The following TNFRSF1B variants were observed in gnomAD, a reference collection of about 807,000 sequenced individuals.
The protein encoded by TNFRSF1B is TNF receptor superfamily member 1B, also known as tumor necrosis factor receptor superfamily member 1B.
In TNFRSF1B, 19 loss-of-function variants were observed where a neutral mutation model predicts 44.6. The ratio of observed to expected loss-of-function variants is 0.43; its 90% confidence interval spans 0.30 to 0.62. The LOEUF is 0.62. Ranked by LOEUF, TNFRSF1B falls within the 20% of genes least tolerant of loss-of-function variation. The pLI is 0.16. For missense variants in TNFRSF1B, 541 were observed against 619.9 expected, an observed-to-expected ratio of 0.87 and a Z score of 1.35; for synonymous variants, 252 against 261.1, an observed-to-expected ratio of 0.97 and a Z score of 0.34.
rs1176292774 is a variant in TNFRSF1B, at chr1:12,208,963, CA to C, written c.*1944del. 2 of 152,302 alleles carry C rather than the reference CA, an allele frequency of 1.3e-5. No homozygotes were observed. The highest frequency in any genetic ancestry group is 2.9e-5 in the Non-Finnish European group (2 of 68,178). The allele number at this position is 152,302 out of a possible 1,614,324, so 9.4% of individuals were successfully genotyped here. ...CCTGTCTCTTAAAGAAAAAAAAAGT[CA>C]GACTGCTGGGACTGGCCAGGTTTCT... On this transcript the variant is annotated 3_prime_UTR_variant, in exon 10 of 10. Transcript: ENST00000376259.
In TNFRSF1B at chr1:12,207,788, T is replaced by TC. The variant is rs1639543598; in HGVS notation, c.*768_*769insC. 6.6e-6 allele frequency: 1 copy of TC among 152,224 alleles called. No homozygotes were observed. The highest frequency in any genetic ancestry group is 2.4e-5 in the African/African-American group (1 of 41,402). The allele number at this position is 152,224 out of a possible 1,614,324, so 9.4% of individuals were successfully genotyped here. A position where few individuals can be genotyped will look rare whatever the true frequency, so the allele number is the denominator to read the frequency against. ...AGCCGGGCGTGGTGGCGGGCACCTA[T>TC]AGTCCCAGCTACTCAGAAGCCTGAG... On this transcript the variant is annotated 3_prime_UTR_variant, in exon 10 of 10. Transcript: ENST00000376259.
chr1:12,181,432 A>G (rs1050025964), intron 1 of TNFRSF1B, among the ~76,000 whole-genome samples: 9 of 152,144 alleles, frequency 5.9e-5, no homozygotes, highest in African/African-American at 2.2e-4. Context: ...GCTCCTCACA[A>G]GAACCCCTGG....
intron 8 of TNFRSF1B, among the ~76,000 whole-genome samples, chr1:12,195,572 GC>G (rs1336265737): frequency 6.6e-6 from 1 of 152,194 alleles, no homozygotes; most frequent in African/African-American, 2.4e-5. Flanking sequence ...TAAATCGGAT[GC>G]CTTCCCAGAA....
At chr1:12,181,831 C>T (rs986352614) in intron 1 of TNFRSF1B, among the ~76,000 whole-genome samples, 3 of 152,234 alleles carry the variant, frequency 2.0e-5, no homozygotes, top group Non-Finnish European at 2.9e-5. Flanking sequence ...CCTCCCAGCT[C>T]GTGCTGTTTC....
At chr1:12,202,248 C>G (rs1639410357) in intron 9 of TNFRSF1B, 77 bp downstream of exon 9, 1 of 1,506,696 alleles carries the variant, frequency 6.6e-7, no homozygotes. Flanking sequence ...TTAGCCATCT[C>G]CTCCTGAGCC....
rs1470591648 is a variant in TNFRSF1B at position 12,191,928 on chromosome 1, G to A, written c.457+5G>A. 1.9e-6 allele frequency: 3 copies of A among 1,607,342 alleles called. No homozygotes were observed. The highest frequency in any genetic ancestry group is 1.3e-5 in the African/African-American group (1 of 74,894). ...GCTTCGGCGTGGCCAGACCAGGTACGGGGTGGGGCTCAGGTCCTTGGGGAC... is the reference window on the plus strand; with the variant it reads ...GCTTCGGCGTGGCCAGACCAGGTACAGGGTGGGGCTCAGGTCCTTGGGGAC... On this transcript the variant is annotated splice_donor_5th_base_variant and intron_variant, in intron 4 of 9. Coordinates refer to ENST00000376259, the MANE Select transcript of TNFRSF1B (RefSeq NM_001066.3).
Position 12,174,267 on chromosome 1 carries a change from T to A in TNFRSF1B, c.78+7098T>A, listed in dbSNP as rs567446886. Among the ~76,000 whole-genome samples, 1,096 of 144,804 alleles carry A rather than the reference T, an allele frequency of 7.6e-3. 22 individuals carry two copies. Among genetic ancestry groups the A allele is most frequent in the African/African-American group, 0.026 (1,026 of 38,718 alleles). 95.0% of individuals were successfully genotyped at this position (144,804 alleles called of 152,430 possible). A position where few individuals can be genotyped will look rare whatever the true frequency, so the allele number is the denominator to read the frequency against. On this transcript the variant is annotated intron_variant, in intron 1 of 9. Coordinates refer to ENST00000376259, the MANE Select transcript of TNFRSF1B (RefSeq NM_001066.3). ...CTCCTTCTCCTTCTCCTTCTTCTTC[T>A]GATGGAGTCTGACTCCGTTGCCCAG...
chr1:12,206,006 T>A (rs1170574378), intron 9 of TNFRSF1B, among the ~76,000 whole-genome samples: 1 of 151,986 alleles, frequency 6.6e-6, no homozygotes, highest in Non-Finnish European at 1.5e-5. Flanking sequence ...GGTCCGAGGC[T>A]CTGGGCCCAA....
chr1:12,179,546 A>G (rs991500867), intron 1 of TNFRSF1B, among the ~76,000 whole-genome samples: 2 of 152,150 alleles, frequency 1.3e-5, no homozygotes. Flanking sequence ...CCCTCCCCAC[A>G]GCTTTGGCCC....
At chr1:12,182,771 C>A (rs1638840679) in intron 1 of TNFRSF1B, among the ~76,000 whole-genome samples, 1 of 152,244 alleles carries the variant, frequency 6.6e-6, no homozygotes, top group Admixed American at 6.5e-5. Flanking sequence ...TCCTTCCTCC[C>A]CAGAGGGCCA....
At chr1:12,183,712 T>TCTAG (rs1638887868) in intron 1 of TNFRSF1B, among the ~76,000 whole-genome samples, 18 of 57,218 alleles carry the variant, frequency 3.1e-4, no homozygotes, top group African/African-American at 8.2e-4. Flanking sequence ...ATCTATCTAT[T>TCTAG]CTATCTACCT....
chr1:12,174,166 C>CTTCTTCTTCTTCTTCTTCTT (rs1557623710), intron 1 of TNFRSF1B, among the ~76,000 whole-genome samples: 13 of 55,942 alleles, frequency 2.3e-4, no homozygotes, highest in South Asian at 7.3e-4. Context: ...TTCTTCTTCT[C>CTTCTTCTTCTTCTTCTTCTT]CTTCTCCTTC....
intron 3 of TNFRSF1B, among the ~76,000 whole-genome samples, chr1:12,191,404 G>A (rs532544810): frequency 1.6e-4 from 25 of 152,192 alleles, no homozygotes; most frequent in African/African-American, 6.0e-4. Flanking sequence ...GGGAAGAGCG[G>A]GACTGCGGGG....
At position 12,188,780 on chromosome 1, in the gene TNFRSF1B, C is replaced by T; in HGVS notation, c.79-16C>T. The T allele has an allele frequency of 6.2e-7, 1 of 1,612,092 alleles. No individual in the cohort carries two copies. ...GGGCGGCCCTGTTGATGGCAGTCTT[C>T]CCTTCTTCCTTCCAGGTGGCATTTA... is the stretch of plus-strand genomic sequence containing the variant. On this transcript the variant is annotated splice_polypyrimidine_tract_variant and intron_variant, in intron 1 of 9. Coordinates refer to ENST00000376259, the MANE Select transcript of TNFRSF1B (RefSeq NM_001066.3).
At position 12,168,753 on chromosome 1, in the gene TNFRSF1B, G is replaced by A. The variant is rs595254; in HGVS notation, c.78+1584G>A. On this transcript the variant is annotated intron_variant, in intron 1 of 9. Transcript: ENST00000376259. The surrounding 1 kb of genome is among the most constrained non-coding windows in gnomAD (Gnocchi z 4.7). ...CTCCTCCCTCATCCCTGCTCCCCAC[G>A]ACCCCACCCGGACTATTGCCGCAGC... 1.3e-5 allele frequency among the ~76,000 whole-genome samples: 2 copies of A among 151,736 alleles called. No homozygotes were observed. Among genetic ancestry groups the A allele is most frequent in the South Asian group, 4.2e-4 (2 of 4,812 alleles).
Position 12,181,940 on chromosome 1 carries a change from TC to T in TNFRSF1B, c.79-6854del, listed in dbSNP as rs374128822. On this transcript the variant is annotated intron_variant, in intron 1 of 9. Coordinates refer to ENST00000376259, the MANE Select transcript of TNFRSF1B (RefSeq NM_001066.3). ...CCCATCCTTAAGAACCCAGGGCTGG[TC>T]CTTTTGCTTAGAGCATCAACCAGGC... 1.2e-3 allele frequency among the ~76,000 whole-genome samples: 180 copies of T among 152,252 alleles called. 1 individual carries two copies. Among genetic ancestry groups the T allele is most frequent in the African/African-American group, 3.5e-3 (146 of 41,538 alleles).
At chr1:12,206,555 A>G (rs5746062) in intron 9 of TNFRSF1B, among the ~76,000 whole-genome samples, 185 bp from the exon 10 acceptor site, 38,071 of 152,010 alleles carry the variant, frequency 0.25, 5,791 homozygotes, top group Non-Finnish European at 0.34. Context: ...GCAGAGGGGA[A>G]AATGAGGCAC....
At chr1:12,202,830 A>G (rs183056584) in intron 9 of TNFRSF1B, among the ~76,000 whole-genome samples, 273 of 152,364 alleles carry the variant, frequency 1.8e-3, no homozygotes, top group Non-Finnish European at 3.1e-3. Flanking sequence ...GCTAGTAAAC[A>G]GAAGAGCCAG....
Position 12,191,761 on chromosome 1 carries a change from C to T in TNFRSF1B, c.308-13C>T. On this transcript the variant is annotated splice_polypyrimidine_tract_variant and intron_variant, in intron 3 of 9. Coordinates refer to ENST00000376259, the MANE Select transcript of TNFRSF1B (RefSeq NM_001066.3). ...GGCAGGCGTGACCGTTTGCCGCCCT[C>T]TCGCTGCTCTAGACCAGGTGGAAAC... 1 of 1,613,066 alleles carries T rather than the reference C, an allele frequency of 6.2e-7. No individual in the cohort carries two copies. The highest frequency in any genetic ancestry group is 1.1e-5 in the South Asian group (1 of 91,048).
Sources: gnomAD v4.1 joint callset for allele counts (sites outside exome capture counted in the v4.1 genomes callset) on GRCh38, gnomAD v4.1.1 for gene constraint, Gnocchi (gnomAD v3.1) non-coding constraint, MANE v1.5 for transcripts, NCBI Gene and HGNC (gene_info 2026-07-23, HGNC 2026-07-21) for gene names.